TAB2: variants seen among roughly 807,000 people sequenced by gnomAD.
TAB2 encodes the protein TGF-beta-activated kinase 1 and MAP3K7-binding protein 2.
A neutral mutation model predicts 65.0 loss-of-function variants in TAB2; 3 were observed. The ratio of observed to expected loss-of-function variants is 0.05; its 90% CI spans 0.02 to 0.12. The LOEUF is 0.12. Among genes scored for constraint, TAB2 ranks in the 10% least tolerant of loss-of-function variants. The pLI, the probability that TAB2 is intolerant of heterozygous loss-of-function variation, is 1.00. For missense variants in TAB2, 623 were observed against 840.3 expected, an observed-to-expected ratio of 0.74 and a Z score of 3.20; for synonymous variants, 298 against 285.1, an observed-to-expected ratio of 1.05 and a Z score of -0.46.
chr6:149,276,049 T>G (rs1351429794), intron 1 of TAB2, among the ~76,000 whole-genome samples: 1 of 152,222 alleles, frequency 6.6e-6, no homozygotes, highest in Non-Finnish European at 1.5e-5. Flanking sequence ...GTATTAATAT[T>G]TGTTCATATA....
At chr6:149,241,587 G>T (rs1359441257) in intron 1 of TAB2, among the ~76,000 whole-genome samples, 6 of 152,060 alleles carry the variant, frequency 3.9e-5, no homozygotes, top group African/African-American at 1.5e-4. Context: ...CAATGCTGTG[G>T]GTAGAAATAT....
In TAB2 at chr6:149,370,047, G is replaced by A. The variant is rs750887196; in HGVS notation, c.50G>A (p.Arg17Gln). ...GATTTTCAGGTTTTACATGACCTGC[G>A]ACAAAAATTCCCTGAAGTACCTGAA... ...QIDFQVLHDL[R>Q]QKFPEVPEVV... Residue 17 changes from arginine (R) to glutamine (Q), a missense_variant, in exon 2 of 7, where the codon CGA (arginine) becomes CAA (glutamine). Coordinates refer to ENST00000637181, the MANE Select transcript of TAB2 (RefSeq NM_001292034.3). The A allele has an allele frequency of 2.6e-5, 42 of 1,613,956 alleles. No homozygotes were observed. The highest frequency in any genetic ancestry group is 1.6e-4 in the African/African-American group (12 of 74,908).
intron 1 of TAB2, among the ~76,000 whole-genome samples, chr6:149,268,745 T>C (rs899662438): frequency 6.6e-6 from 1 of 152,238 alleles, no homozygotes; most frequent in Non-Finnish European, 1.5e-5. Context: ...ATGCATTCAT[T>C]GTGTCTGCAA....
intron 1 of TAB2, among the ~76,000 whole-genome samples, chr6:149,321,994 A>G (rs988282363): frequency 6.6e-6 from 1 of 152,094 alleles, no homozygotes; most frequent in Non-Finnish European, 1.5e-5. Context: ...ATTTCTAATC[A>G]TGTATTCCAG....
chr6:149,339,976 AT>A (rs1780064620), intron 1 of TAB2, among the ~76,000 whole-genome samples: 1 of 151,960 alleles, frequency 6.6e-6, no homozygotes, highest in Non-Finnish European at 1.5e-5. Context: ...TTCATAAGTA[AT>A]AATGCTAATT....
At chr6:149,232,857 C>A (rs747158660) in intron 1 of TAB2, among the ~76,000 whole-genome samples, 1 of 152,130 alleles carries the variant, frequency 6.6e-6, no homozygotes, top group Non-Finnish European at 1.5e-5. Context: ...AGAGAAAGTG[C>A]CCCAGAGCAG....
chr6:149,228,624 T>C (rs913654970), intron 1 of TAB2, among the ~76,000 whole-genome samples: 1 of 152,224 alleles, frequency 6.6e-6, no homozygotes, highest in Non-Finnish European at 1.5e-5. Context: ...GAACACCTAA[T>C]GGCTTAGCCC....
intron 1 of TAB2, among the ~76,000 whole-genome samples, chr6:149,236,515 C>T (rs1777498053): frequency 1.3e-5 from 2 of 152,180 alleles, no homozygotes; most frequent in Admixed American, 1.3e-4. Context: ...AACACCACAT[C>T]TGAGGTTTCT....
chr6:149,309,889 T>G lies in TAB2; in HGVS notation c.-120-68129T>G, dbSNP rs549937223. 1.8e-3 allele frequency among the ~76,000 whole-genome samples: 279 copies of G among 151,748 alleles called. 2 individuals are homozygous for G. Among genetic ancestry groups the G allele is most frequent in the African/African-American group, 5.7e-3 (235 of 41,344 alleles). On this transcript the variant is annotated intron_variant, in intron 1 of 1. Transcript: ENST00000606202. ...GTGTGTGTGTGTGGGTGTGGGTGTG[T>G]GTGTGTGTGTGTGATTTTTCCTTTC...
chr6:149,403,283 T>TATATATAC (rs1554265413), intron 6 of TAB2, among the ~76,000 whole-genome samples: 1 of 24,576 alleles, frequency 4.1e-5, no homozygotes, highest in Non-Finnish European at 7.3e-5. Flanking sequence ...TATATATATA[T>TATATATAC]ACACACACAC....
intron 1 of TAB2, among the ~76,000 whole-genome samples, chr6:149,286,295 G>T (rs1414752376): frequency 1.3e-5 from 2 of 152,124 alleles, no homozygotes. Context: ...TATTGATATG[G>T]TGCACATCTC....
At chr6:149,261,612 T>C (rs756216100) in intron 1 of TAB2, among the ~76,000 whole-genome samples, 1 of 152,176 alleles carries the variant, frequency 6.6e-6, no homozygotes, top group Non-Finnish European at 1.5e-5. Context: ...TCCCACGGTG[T>C]ACTGACAGCA....
At chr6:149,288,699 C>A (rs965309574) in intron 1 of TAB2, among the ~76,000 whole-genome samples, 1 of 152,144 alleles carries the variant, frequency 6.6e-6, no homozygotes, top group Admixed American at 6.5e-5. Context: ...GCAGGACTTA[C>A]AGGATGTCTT....
chr6:149,400,554 G>T (rs237025), intron 6 of TAB2: 1 of 1,613,916 alleles, frequency 6.2e-7, no homozygotes, highest in African/African-American at 1.3e-5. Context: ...GGGATTGTCA[G>T]TGAAGCAGAT....
intron 3 of TAB2, among the ~76,000 whole-genome samples, chr6:149,386,827 T>G (rs368178727): frequency 6.6e-6 from 1 of 152,244 alleles, no homozygotes; most frequent in African/African-American, 2.4e-5. Flanking sequence ...TGCAAAGTAT[T>G]TAATTGTGAT....
intron 1 of TAB2, among the ~76,000 whole-genome samples, chr6:149,345,941 A>C (rs781072459): frequency 1.2e-4 from 19 of 152,214 alleles, no homozygotes; most frequent in Non-Finnish European, 1.5e-5. Flanking sequence ...AAAAAGCTGC[A>C]TGGTGTTCCT....
intron 1 of TAB2, among the ~76,000 whole-genome samples, chr6:149,275,234 G>GAGAA (rs746637120): frequency 0.088 from 5,728 of 65,266 alleles, 346 homozygotes; most frequent in Non-Finnish European, 0.1. Context: ...GGGAGAGAGA[G>GAGAA]AGAAAGAAAG....
chr6:149,239,123 A>C (rs573886405), intron 1 of TAB2, among the ~76,000 whole-genome samples: 1 of 152,366 alleles, frequency 6.6e-6, no homozygotes, highest in South Asian at 2.1e-4. Context: ...CTAAAACTCA[A>C]GTGACTCTTA....
chr6:149,268,682 C>T (rs1157586585), intron 1 of TAB2, among the ~76,000 whole-genome samples: 1 of 152,174 alleles, frequency 6.6e-6, no homozygotes, highest in Non-Finnish European at 1.5e-5. Context: ...TATTTTCTTC[C>T]TTTCGTATAT....
Sources: allele counts gnomAD v4.1 joint callset (sites outside exome capture counted in the v4.1 genomes callset), GRCh38; gene constraint gnomAD v4.1.1; transcripts MANE v1.5; gene names NCBI Gene and HGNC (gene_info 2026-07-23, HGNC 2026-07-21).